The following CADPS variants were observed in gnomAD, a reference collection of about 807,000 sequenced individuals.
CADPS encodes calcium-dependent secretion activator 1.
A neutral mutation model predicts 167.3 loss-of-function variants in CADPS; 57 were observed. The ratio of observed to expected loss-of-function variants is 0.34; its 90% CI spans 0.28 to 0.42. The LOEUF is 0.42. CADPS is among the 20% of genes least tolerant of loss of function. The pLI, the probability that CADPS is intolerant of heterozygous loss-of-function variation, is 1.00. For missense variants in CADPS, 1,414 were observed against 1,738.1 expected (o/e 0.81, Z 3.32); for synonymous variants, 676 against 635.3 (o/e 1.06, Z -0.96).
intron 2 of CADPS, among the ~76,000 whole-genome samples, chr3:62,765,126 G>A (rs1359963104): frequency 6.6e-6 from 1 of 152,190 alleles, no homozygotes; most frequent in Non-Finnish European, 1.5e-5. Flanking sequence ...ATGTGCATAT[G>A]AGGAAAGCAT....
At chr3:62,663,875 C>G (rs1235671101) in intron 3 of CADPS, among the ~76,000 whole-genome samples, 1 of 152,128 alleles carries the variant, frequency 6.6e-6, no homozygotes, top group Non-Finnish European at 1.5e-5. Context: ...AGGACTTTTC[C>G]TTAGATCATG....
intron 23 of CADPS, among the ~76,000 whole-genome samples, chr3:62,477,037 G>A (rs1425529477): frequency 6.6e-6 from 1 of 152,150 alleles, no homozygotes; most frequent in Non-Finnish European, 1.5e-5. Flanking sequence ...TAAGCTTCTG[G>A]AAGTGGCCTC....
intron 6 of CADPS, among the ~76,000 whole-genome samples, chr3:62,622,890 T>A (rs2063414940): frequency 6.6e-6 from 1 of 152,226 alleles, no homozygotes; most frequent in East Asian, 1.9e-4. Context: ...TTCCATTTGT[T>A]GCAGAAATAT....
chr3:62,739,840 G>A (rs553716404), intron 3 of CADPS, among the ~76,000 whole-genome samples: 3 of 152,320 alleles, frequency 2.0e-5, no homozygotes, highest in East Asian at 1.9e-4. Context: ...AGAGATTTCC[G>A]ATTAGGACAG....
In CADPS at chr3:62,446,034, C is replaced by T. The variant is rs1560484723; in HGVS notation, c.3637-237G>A. ...ACTGATTCAGATTCTGTTGCTGGAGCGGGAGCTTTACATTTTCCTCCCTCC... is the reference window on the plus strand; with the variant it reads ...ACTGATTCAGATTCTGTTGCTGGAGTGGGAGCTTTACATTTTCCTCCCTCC... On this transcript the variant is annotated intron_variant, in intron 26 of 29. Coordinates refer to ENST00000383710, the MANE Select transcript of CADPS (RefSeq NM_003716.4). The surrounding 1 kb of genome is among the most constrained non-coding windows in gnomAD (Gnocchi z 4.9). 1.3e-5 allele frequency among the ~76,000 whole-genome samples: 2 copies of T among 152,212 alleles called. No homozygotes were observed. The highest frequency in any genetic ancestry group is 3.4e-3 in the Middle Eastern group (1 of 294).
At chr3:62,663,303 T>C (rs189309872) in intron 3 of CADPS, among the ~76,000 whole-genome samples, 118 of 152,304 alleles carry the variant, frequency 7.7e-4, no homozygotes, top group Admixed American at 6.2e-3. Flanking sequence ...CACTATATTC[T>C]AATAGAATTT....
intron 1 of CADPS, among the ~76,000 whole-genome samples, chr3:62,800,696 G>T (rs1057506914): frequency 2.0e-5 from 3 of 152,028 alleles, no homozygotes; most frequent in Admixed American, 1.3e-4. Context: ...ATGCAATTTG[G>T]TATGTATATT....
intron 3 of CADPS, among the ~76,000 whole-genome samples, chr3:62,670,733 T>C (rs964577729): frequency 6.6e-6 from 1 of 152,160 alleles, no homozygotes; most frequent in African/African-American, 2.4e-5. Flanking sequence ...GATCCTGTAG[T>C]GCTCAACCAG....
chr3:62,812,580 A>G (rs887099965), intron 1 of CADPS, among the ~76,000 whole-genome samples: 1 of 152,362 alleles, frequency 6.6e-6, no homozygotes, highest in East Asian at 1.9e-4. Flanking sequence ...TAAAGGCAGC[A>G]AAGAAAACAA....
intron 24 of CADPS, among the ~76,000 whole-genome samples, chr3:62,473,500 C>A (rs1418937780): frequency 6.6e-6 from 1 of 152,210 alleles, no homozygotes; most frequent in Non-Finnish European, 1.5e-5. Context: ...ATATGAATAT[C>A]TAGCTGGCTT....
chr3:62,734,708 T>C (rs984620848), intron 3 of CADPS, among the ~76,000 whole-genome samples: 3 of 152,184 alleles, frequency 2.0e-5, no homozygotes, highest in Non-Finnish European at 4.4e-5. Flanking sequence ...TCCATTCTAC[T>C]ACTGATAGAT....
intron 24 of CADPS, chr3:62,466,673 T>C: frequency 2.1e-6 from 1 of 474,558 alleles, no homozygotes; most frequent in South Asian, 2.2e-5. Context: ...ACTTAAACAC[T>C]TTTACAAATA....
At chr3:62,492,164 G>T in intron 20 of CADPS, 126 bp downstream of exon 20, 1 of 788,598 alleles carries the variant, frequency 1.3e-6, no homozygotes, top group Non-Finnish European at 2.1e-6. Context: ...TGGGGGGTGG[G>T]GTTAATCATA....
chr3:62,503,738 A>G (rs1190259596), intron 17 of CADPS, among the ~76,000 whole-genome samples: 1 of 152,238 alleles, frequency 6.6e-6, no homozygotes, highest in Non-Finnish European at 1.5e-5. Context: ...TCCAAATGTT[A>G]GAATACTGTA....
chr3:62,567,274 C>T (rs184784510), intron 9 of CADPS, among the ~76,000 whole-genome samples: 63 of 152,240 alleles, frequency 4.1e-4, no homozygotes, highest in African/African-American at 5.8e-4. Context: ...AGCCACTTCT[C>T]GGAGCACATG....
intron 5 of CADPS, among the ~76,000 whole-genome samples, chr3:62,648,308 C>T (rs1029634635): frequency 6.6e-6 from 1 of 152,184 alleles, no homozygotes; most frequent in African/African-American, 2.4e-5. Flanking sequence ...GAATCAGGTA[C>T]ACATAGGAGT....
intron 3 of CADPS, among the ~76,000 whole-genome samples, chr3:62,748,843 G>A (rs140832152): frequency 1.3e-5 from 2 of 152,132 alleles, no homozygotes; most frequent in African/African-American, 4.8e-5. Flanking sequence ...GAGTAGCTGG[G>A]ACTATGGGTG....
At chr3:62,694,507 A>T (rs6445286) in intron 3 of CADPS, among the ~76,000 whole-genome samples, 1 of 151,960 alleles carries the variant, frequency 6.6e-6, no homozygotes, top group Non-Finnish European at 1.5e-5. Context: ...TACCTGGGGG[A>T]AGATCAATTA....
intron 11 of CADPS, among the ~76,000 whole-genome samples, chr3:62,540,122 T>A (rs1207857554): frequency 6.6e-6 from 1 of 152,130 alleles, no homozygotes; most frequent in Non-Finnish European, 1.5e-5. Flanking sequence ...TTGTTTCAAG[T>A]AGTTAGTGAG....
Sources: gnomAD v4.1 joint callset for allele counts (sites outside exome capture counted in the v4.1 genomes callset) on GRCh38, gnomAD v4.1.1 for gene constraint, Gnocchi (gnomAD v3.1) non-coding constraint, MANE v1.5 for transcripts, NCBI Gene and HGNC (gene_info 2026-07-23, HGNC 2026-07-21) for gene names.